Variants in MAN2A2 observed in about 807,000 individuals in gnomAD.
MAN2A2 encodes mannosidase alpha class 2A member 2, also known as alpha-mannosidase 2x.
Under a neutral mutation model 126.8 loss-of-function variants are expected in MAN2A2, and 79 were observed. That is an observed-to-expected ratio of 0.62 (90% CI 0.52 to 0.75). The LOEUF is 0.75. Ranked by LOEUF, MAN2A2 falls within the 30% of genes least tolerant of loss-of-function variation. The pLI is 0.00. For synonymous variants in MAN2A2, 671 were observed against 618.7 expected, an observed-to-expected ratio of 1.08 and a Z score of -1.25; for missense variants, 1,392 against 1,522.4, an observed-to-expected ratio of 0.91 and a Z score of 1.43.
chr15:90,908,869 C>G (rs544845615), intron 8 of MAN2A2, among the ~76,000 whole-genome samples: 1 of 152,314 alleles, frequency 6.6e-6, no homozygotes, highest in South Asian at 2.1e-4. Context: ...AGCCACTGCG[C>G]TCGGCCCATT....
chr15:90,921,256 T>C lies in MAN2A2; in HGVS notation c.*1469T>C, dbSNP rs1214150323. 6.6e-6 allele frequency: 1 copy of C among 152,258 alleles called. No individual in the cohort carries two copies. The highest frequency in any genetic ancestry group is 1.5e-5 in the Non-Finnish European group (1 of 68,038). The allele number at this position is 152,258 out of a possible 1,614,324, so 9.4% of individuals were successfully genotyped here. On this transcript the variant is annotated 3_prime_UTR_variant, in exon 23 of 23. Transcript: ENST00000559717. ...AGTCAACCCAATGATACACATCATG[T>C]TCCTGTCCACATACTGGTTTTCCCC... is the stretch of plus-strand genomic sequence containing the variant.
Position 90,919,757 on chromosome 15 carries a change from G to A in MAN2A2, c.3423G>A (p.Glu1141=), listed in dbSNP as rs1379728844. 3 of 1,614,218 alleles carry A rather than the reference G, an allele frequency of 1.9e-6. No homozygotes were observed. ...NSTDVYLEPM[E]IATFRLRLG is the part of the protein sequence containing the mutation. Reference sequence around the variant, plus strand: ...CTGACGTCTATTTGGAGCCCATGGAGATTGCTACCTTTCGCCTCCGCTTGG... The same window carrying A: ...CTGACGTCTATTTGGAGCCCATGGAAATTGCTACCTTTCGCCTCCGCTTGG... The change falls in exon 23 of 23, where the codon GAG becomes GAA. Residue 1141 remains glutamate, a synonymous_variant. Coordinates refer to ENST00000559717, the MANE Select transcript of MAN2A2 (RefSeq NM_006122.4).
Position 90,913,723 on chromosome 15 carries a change from C to T in MAN2A2, c.2828C>T (p.Ala943Val). 6.2e-7 allele frequency: 1 copy of T among 1,600,994 alleles called. No individual in the cohort carries two copies. Among genetic ancestry groups the T allele is most frequent in the East Asian group, 2.2e-5 (1 of 44,552 alleles). Residue 943 changes from alanine (A) to valine (V), a missense_variant, in exon 19 of 23, where the codon GCC (alanine) becomes GTC (valine). Physicochemically the swap from Ala to Val is moderately conservative, Grantham distance 64 (BLOSUM62 0). Transcript: ENST00000559717. ...CAGAAGCGCCTCACGCTGCACACTG[C>T]CCAGGCCCTGGGTGTCTCTAGCCTC... The part of the protein sequence containing the change: ...DAQKRLTLHT[A>V]QALGVSSLKD...
Position 90,910,213 on chromosome 15 carries a change from G to A in MAN2A2, c.1498G>A (p.Glu500Lys). 2.5e-6 allele frequency: 4 copies of A among 1,614,180 alleles called. No individual in the cohort carries two copies. Among genetic ancestry groups the A allele is most frequent in the Non-Finnish European group, 3.4e-6 (4 of 1,180,028 alleles). ...SGDFFSYADREDHYWTGYYTS... is the reference protein window; with the variant it reads ...SGDFFSYADRKDHYWTGYYTS... ...GGATTTCTTCTCCTATGCGGACCGG[G>A]AGGATCATTACTGGACAGGCTATTA... is the stretch of plus-strand genomic sequence containing the variant. Residue 500 changes from glutamate to lysine, a missense_variant, in exon 10 of 23, where the codon GAG (glutamate) becomes AAG (lysine). Glu to Lys is a moderately conservative substitution (Grantham distance 56). Transcript: ENST00000559717.
In MAN2A2 at chr15:90,919,938, T is replaced by C. The variant is rs1473078471; in HGVS notation, c.*151T>C. 34 of 961,306 alleles carry C rather than the reference T, an allele frequency of 3.5e-5. No homozygotes were observed. In the East Asian group the frequency reaches 9.0e-4, roughly 25 times the overall value. The allele number at this position is 961,306 out of a possible 1,614,324, so 59.5% of individuals were successfully genotyped here. A position where few individuals can be genotyped will look rare whatever the true frequency, so the allele number is the denominator to read the frequency against. On this transcript the variant is annotated 3_prime_UTR_variant, in exon 23 of 23. Transcript: ENST00000559717. Reference sequence around the variant, plus strand: ...GCCCTCATTTTCTGTTTATTGCTGCTGCTGTGTTTTCGGCGCAACCCACAA... The same window carrying C: ...GCCCTCATTTTCTGTTTATTGCTGCCGCTGTGTTTTCGGCGCAACCCACAA...
chr15:90,916,618 T>G, intron 20 of MAN2A2: 1 of 1,311,166 alleles, frequency 7.6e-7, no homozygotes, highest in Non-Finnish European at 1.0e-6. Flanking sequence ...CAGCCATGTT[T>G]AGGGGCTTGA....
intron 7 of MAN2A2, 150 bp downstream of exon 7, chr15:90,907,063 G>A: frequency 1.9e-6 from 2 of 1,060,254 alleles, no homozygotes; most frequent in Non-Finnish European, 2.7e-6. Flanking sequence ...CTCTGGTTAG[G>A]GGAGGGCCAT....
intron 20 of MAN2A2, chr15:90,917,934 G>A (rs1432692248): frequency 8.5e-6 from 4 of 472,778 alleles, no homozygotes; most frequent in African/African-American, 5.8e-5. Flanking sequence ...GGTTGCTCAT[G>A]ATAGTGTTAT....
Position 90,921,116 on chromosome 15 carries a change from A to C in MAN2A2, c.*1329A>C, listed in dbSNP as rs1391210155. 1.3e-5 allele frequency: 2 copies of C among 152,200 alleles called. No homozygotes were observed. The highest frequency in any genetic ancestry group is 2.9e-5 in the Non-Finnish European group (2 of 68,040). The allele number at this position is 152,200 out of a possible 1,614,324, so 9.4% of individuals were successfully genotyped here. ...TGTCCCGGCACTACTAACCCCTGCAACAAGCCAGATGAGGAACATAAGGAA... is the reference window on the plus strand; with the variant it reads ...TGTCCCGGCACTACTAACCCCTGCACCAAGCCAGATGAGGAACATAAGGAA... On this transcript the variant is annotated 3_prime_UTR_variant, in exon 23 of 23. Transcript: ENST00000559717.
At chr15:90,907,033 C>T in intron 7 of MAN2A2, 120 bp downstream of exon 7, 2 of 1,307,632 alleles carry the variant, frequency 1.5e-6, no homozygotes, top group Admixed American at 3.8e-5. Context: ...CTGGTGTGGA[C>T]TGCCAGAAAT....
At position 90,918,390 on chromosome 15, in the gene MAN2A2, T is replaced by G; in HGVS notation, c.3189+2T>G. The G allele has an allele frequency of 6.2e-7, 1 of 1,612,254 alleles. No homozygotes were observed. The highest frequency in any genetic ancestry group is 8.5e-7 in the Non-Finnish European group (1 of 1,178,698). On this transcript the variant is annotated splice_donor_variant, in intron 21 of 22. Coordinates refer to ENST00000559717, the MANE Select transcript of MAN2A2 (RefSeq NM_006122.4). LOFTEE classifies it high-confidence loss of function. The stretch of plus-strand genomic sequence containing the variant: ...AACCTACGTACGCTCCAGGCTGAGG[T>G]GAGTGTCCCTCAGCGTGACATGCTG...
In MAN2A2 at chr15:90,913,620, C is replaced by A; in HGVS notation, c.2725C>A (p.Pro909Thr). Residue 909 changes from proline (P) to threonine (T), a missense_variant, in exon 19 of 23, where the codon CCC (proline) becomes ACC (threonine). By Grantham distance (38) the Pro-to-Thr change is conservative (BLOSUM62 -1). Transcript: ENST00000559717. ...FTDLNGFQVQ[P>T]RRYLKKLPLQ... ...GCTGGCCTTGCCCCCACAGGTGCAG[C>A]CCCGACGGTATCTGAAGAAGCTCCC... 1.2e-6 allele frequency: 2 copies of A among 1,611,594 alleles called. No homozygotes were observed. The highest frequency in any genetic ancestry group is 1.7e-6 in the Non-Finnish European group (2 of 1,179,036).
chr15:90,910,054 A>G (rs1170367820), intron 9 of MAN2A2, 36 bp from the exon 10 acceptor site: 1 of 1,582,124 alleles, frequency 6.3e-7, no homozygotes, highest in African/African-American at 1.4e-5. Flanking sequence ...AGGAGGCTCT[A>G]GAACTGATGG....
At chr15:90,905,131 T>C in intron 2 of MAN2A2, 120 bp from the exon 3 acceptor site, 1 of 1,081,082 alleles carries the variant, frequency 9.2e-7, no homozygotes, top group South Asian at 1.4e-5. Flanking sequence ...TCTAGGCTCA[T>C]GGTCTGGCTT....
At chr15:90,918,803 T>C (rs1267682696) in intron 22 of MAN2A2, 48 bp downstream of exon 22, 1 of 1,326,376 alleles carries the variant, frequency 7.5e-7, no homozygotes, top group Non-Finnish European at 1.1e-6. Context: ...AGGCATGAGC[T>C]TGGTAAGACT....
chr15:90,906,112 G>A, intron 5 of MAN2A2, 96 bp downstream of exon 5: 2 of 1,511,308 alleles, frequency 1.3e-6, no homozygotes, highest in Non-Finnish European at 1.8e-6. Flanking sequence ...AGGTGGCAGG[G>A]AGAGGCCCAG....
At position 90,907,001 on chromosome 15, in the gene MAN2A2, C is replaced by G. The variant is rs186202273; in HGVS notation, c.1009+88C>G. The G allele has an allele frequency of 1.3e-3, 1,897 of 1,499,076 alleles. 23 individuals are homozygous for G. In the Admixed American group the frequency reaches 0.026, roughly 20 times the overall value. 92.9% of individuals were successfully genotyped at this position (1,499,076 alleles called of 1,614,324 possible). On this transcript the variant is annotated intron_variant, in intron 7 of 22. Coordinates refer to ENST00000559717, the MANE Select transcript of MAN2A2 (RefSeq NM_006122.4). ...TATCAGAACTAAGACCCCCACTGTT[C>G]TTCAGAGCAGACCTGCAGGCACTGG... is the stretch of plus-strand genomic sequence containing the variant.
intron 15 of MAN2A2, 83 bp from the exon 16 acceptor site, chr15:90,912,458 TG>T: frequency 6.3e-7 from 1 of 1,595,164 alleles, no homozygotes; most frequent in Non-Finnish European, 8.5e-7. Context: ...CACGGCTCCT[TG>T]GGGAAGCTAT....
chr15:90,905,529 G>C, intron 3 of MAN2A2, 21 bp downstream of exon 3: 1 of 1,614,134 alleles, frequency 6.2e-7, no homozygotes, highest in Non-Finnish European at 8.5e-7. Context: ...GAGCTGGCAG[G>C]GACGTACAGT....
Sources: gnomAD v4.1 joint callset for allele counts (sites outside exome capture counted in the v4.1 genomes callset) on GRCh38, gnomAD v4.1.1 for gene constraint, MANE v1.5 for transcripts, NCBI Gene and HGNC (gene_info 2026-07-23, HGNC 2026-07-21) for gene names.